PHLPP1: variants seen among roughly 807,000 people sequenced by gnomAD.
PHLPP1 encodes the protein PH domain and leucine rich repeat protein phosphatase 1.
In PHLPP1, 42 loss-of-function variants were observed where a neutral mutation model predicts 117.2. That is an observed-to-expected ratio of 0.36 (90% CI 0.28 to 0.46). The LOEUF (loss-of-function observed/expected upper bound fraction) is 0.46, where lower values mean the gene tolerates loss of function less well. Ranked by LOEUF, PHLPP1 falls within the 20% of genes least tolerant of loss-of-function variation. The pLI is 1.00. For missense variants in PHLPP1, 2,084 were observed against 2,241.9 expected (o/e 0.93, Z 1.42); for synonymous variants, 1,042 against 970.7 (o/e 1.07, Z -1.37).
intron 3 of PHLPP1, 102 bp downstream of exon 3, chr18:62,839,011 T>C (rs1405286787): frequency 4.8e-6 from 6 of 1,257,442 alleles, no homozygotes; most frequent in African/African-American, 3.0e-5. Flanking sequence ...ACACACACTT[T>C]TTTTTTCCTC....
chr18:62,896,683 TC>T (rs1480071952), intron 6 of PHLPP1, among the ~76,000 whole-genome samples: 3 of 152,102 alleles, frequency 2.0e-5, no homozygotes, highest in African/African-American at 7.2e-5. Context: ...CACTGCAGCC[TC>T]AAACTCCTGG....
chr18:62,748,476 G>A (rs989605995), intron 1 of PHLPP1, among the ~76,000 whole-genome samples: 3 of 152,072 alleles, frequency 2.0e-5, no homozygotes, highest in Non-Finnish European at 4.4e-5. Context: ...GGAACTCCTG[G>A]GCTCAAGCAG....
chr18:62,799,766 T>C (rs1433309918), intron 1 of PHLPP1, among the ~76,000 whole-genome samples: 1 of 152,220 alleles, frequency 6.6e-6, no homozygotes, highest in Non-Finnish European at 1.5e-5. Flanking sequence ...ATTGAAAATA[T>C]AGCTGAGGGT....
chr18:62,720,813 A>G (rs1668514410), intron 1 of PHLPP1, among the ~76,000 whole-genome samples: 1 of 152,114 alleles, frequency 6.6e-6, no homozygotes, highest in South Asian at 2.1e-4. Flanking sequence ...AACATCTACA[A>G]TACATTGGTT....
chr18:62,839,066 T>G, intron 3 of PHLPP1, 157 bp downstream of exon 3: 1 of 696,624 alleles, frequency 1.4e-6, no homozygotes. Flanking sequence ...TTTTAAAAAC[T>G]AATTTTGCCT....
chr18:62,826,256 T>C, intron 1 of PHLPP1: 1 of 431,604 alleles, frequency 2.3e-6, no homozygotes, highest in South Asian at 1.7e-5. Context: ...GAGATGACAA[T>C]TAAAATCCTG....
In PHLPP1 at chr18:62,716,909, C is replaced by G; in HGVS notation, c.1226C>G (p.Thr409Arg). The G allele has an allele frequency of 6.5e-7, 1 of 1,532,508 alleles. No individual in the cohort carries two copies. Among genetic ancestry groups the G allele is most frequent in the South Asian group, 1.2e-5 (1 of 83,714 alleles). The allele number at this position is 1,532,508 out of a possible 1,614,324, so 94.9% of individuals were successfully genotyped here. A position where few individuals can be genotyped will look rare whatever the true frequency, so the allele number is the denominator to read the frequency against. Residue 409 changes from threonine to arginine, a missense_variant, in exon 1 of 17, where the codon ACG becomes AGG. This residue lies in a region of PHLPP1 where 719 missense variants were observed against 636.0 expected (regional missense o/e 1.13). Transcript: ENST00000262719. This position sits in a 1 kb window ranked among gnomAD's most constrained non-coding sequence, Gnocchi z 5.7. ...HPAQPLPLPQ[T>R]ASSPQPQQKA... ...GCGCAGCCCCTCCCGCTTCCCCAGA[C>G]GGCTTCCTCGCCTCAGCCGCAGCAG...
chr18:62,860,393 G>T (rs1210120158), intron 3 of PHLPP1, 42 bp from the exon 4 acceptor site: 1 of 1,543,264 alleles, frequency 6.5e-7, no homozygotes, highest in Admixed American at 1.7e-5. Context: ...GTAGTTATAG[G>T]ATAAGTGGAT....
In PHLPP1 at chr18:62,978,921, C is replaced by T. The variant is rs748230117; in HGVS notation, c.4644C>T (p.Asp1548=). ...TCTCCGACAACGGCCTTGACAGTGACGATGAGGAGCCCATCGAGGGCGTCT... is the reference window on the plus strand; with the variant it reads ...TCTCCGACAACGGCCTTGACAGTGATGATGAGGAGCCCATCGAGGGCGTCT... ...SAFSDNGLDS[D]DEEPIEGVFT... Residue 1548 remains aspartate (D), a synonymous_variant, in exon 17 of 17, where the codon GAC becomes GAT. Coordinates refer to ENST00000262719, the MANE Select transcript of PHLPP1 (RefSeq NM_194449.4). The surrounding 1 kb of genome is among the most constrained non-coding windows in gnomAD (Gnocchi z 7.0). 8.0e-5 allele frequency: 128 copies of T among 1,607,980 alleles called. 1 individual carries two copies. The highest frequency in any genetic ancestry group is 3.3e-4 in the Middle Eastern group (2 of 6,080).
chr18:62,739,292 A>T (rs1397209734), intron 1 of PHLPP1, among the ~76,000 whole-genome samples: 2 of 152,238 alleles, frequency 1.3e-5, no homozygotes, highest in Non-Finnish European at 2.9e-5. Flanking sequence ...TTCAGACATG[A>T]AGGAGATACA....
intron 1 of PHLPP1, among the ~76,000 whole-genome samples, chr18:62,762,516 C>T (rs996966862): frequency 2.7e-5 from 4 of 150,206 alleles, no homozygotes; most frequent in African/African-American, 9.8e-5. Context: ...TGGGTTCAAG[C>T]GATTCTCCTG....
chr18:62,947,048 G>A (rs1385954239), intron 12 of PHLPP1, among the ~76,000 whole-genome samples: 2 of 152,112 alleles, frequency 1.3e-5, no homozygotes, highest in Non-Finnish European at 1.5e-5. Flanking sequence ...GCGAGACTCC[G>A]TCTCAAAAAA....
At chr18:62,967,521 T>G (rs905530335) in intron 14 of PHLPP1, among the ~76,000 whole-genome samples, 1 of 152,164 alleles carries the variant, frequency 6.6e-6, no homozygotes, top group Admixed American at 6.5e-5. Flanking sequence ...TATACCTTCT[T>G]TGGTGAAAAC....
At chr18:62,756,808 CTTTG>C (rs1568104855) in intron 1 of PHLPP1, among the ~76,000 whole-genome samples, 1 of 152,192 alleles carries the variant, frequency 6.6e-6, no homozygotes, top group Non-Finnish European at 1.5e-5. Flanking sequence ...ATGAGAATCT[CTTTG>C]TTGGAGTTAG....
intron 9 of PHLPP1, among the ~76,000 whole-genome samples, chr18:62,919,211 T>C (rs892744597): frequency 5.3e-5 from 8 of 152,204 alleles, no homozygotes; most frequent in African/African-American, 1.2e-4. Flanking sequence ...CTCTGTAATG[T>C]TGGAGAAGTC....
chr18:62,849,829 A>AT lies in PHLPP1; in HGVS notation c.1900-10606_1900-10605insT, dbSNP rs1211762338. On this transcript the variant is annotated intron_variant, in intron 3 of 16. Transcript: ENST00000262719. ...AAAAAAAAAAAAAAAAAAAAAAAAA[A>AT]AAAATATATATATCCTTTAAAGTTT... Among the ~76,000 whole-genome samples the AT allele has an allele frequency of 2.9e-3, 260 of 90,806 alleles. 37 individuals carry two copies. Among genetic ancestry groups the AT allele is most frequent in the African/African-American group, 6.0e-3 (137 of 22,820 alleles). The allele number at this position is 90,806 out of a possible 152,430, so 59.6% of individuals were successfully genotyped here. A position where few individuals can be genotyped will look rare whatever the true frequency, so the allele number is the denominator to read the frequency against.
At chr18:62,813,194 C>T (rs898970015) in intron 1 of PHLPP1, among the ~76,000 whole-genome samples, 1 of 152,120 alleles carries the variant, frequency 6.6e-6, no homozygotes, top group African/African-American at 2.4e-5. Flanking sequence ...TGAAGAAGCT[C>T]ATAAAAGGGA....
intron 10 of PHLPP1, among the ~76,000 whole-genome samples, chr18:62,927,707 TA>T (rs1909678623): frequency 6.6e-6 from 1 of 151,610 alleles, no homozygotes; most frequent in Non-Finnish European, 1.5e-5. Context: ...AAGTTAGAGA[TA>T]AAACAGTGGA....
chr18:62,951,812 ATTTTTT>A (rs34516044), intron 12 of PHLPP1, among the ~76,000 whole-genome samples: 1 of 101,422 alleles, frequency 9.9e-6, no homozygotes, highest in Non-Finnish European at 1.9e-5. Context: ...CACATAATTA[ATTTTTT>A]TTTTTTTTTT....
Sources: allele counts gnomAD v4.1 joint callset (sites outside exome capture counted in the v4.1 genomes callset), GRCh38; gene constraint gnomAD v4.1.1; regional missense constraint gnomAD v4.1.1; non-coding constraint Gnocchi (gnomAD v3.1); transcripts MANE v1.5; gene names NCBI Gene and HGNC (gene_info 2026-07-23, HGNC 2026-07-21).